The following PDS5B variants were observed in gnomAD, a reference collection of about 807,000 sequenced individuals.
PDS5B encodes the protein PDS5 cohesin associated factor B, also known as sister chromatid cohesion protein PDS5 homolog B.
In PDS5B, 51 loss-of-function variants were observed where a neutral mutation model predicts 184.1. That is an observed-to-expected ratio of 0.28 (90% CI 0.22 to 0.35). The LOEUF (loss-of-function observed/expected upper bound fraction) is 0.35. Ranked by LOEUF, PDS5B falls within the 10% of genes least tolerant of loss-of-function variation. The pLI is 1.00. For missense variants in PDS5B, 1,180 were observed against 1,723.3 expected (o/e 0.68, Z 5.58); for synonymous variants, 566 against 569.2 (o/e 0.99, Z 0.08).
At chr13:32,667,125 A>T (rs1412285324) in intron 6 of PDS5B, among the ~76,000 whole-genome samples, 1 of 152,156 alleles carries the variant, frequency 6.6e-6, no homozygotes, top group Non-Finnish European at 1.5e-5. Flanking sequence ...GTTCTCTGGA[A>T]TATGTTTAAA....
At chr13:32,726,454 TTAGAAA>T (rs775062568) in intron 19 of PDS5B, among the ~76,000 whole-genome samples, 3 of 152,232 alleles carry the variant, frequency 2.0e-5, no homozygotes, top group Non-Finnish European at 4.4e-5. Context: ...GGAGCAGTTC[TTAGAAA>T]TAGAAGAGTA....
At chr13:32,673,737 G>T (rs1950995898) in intron 8 of PDS5B, among the ~76,000 whole-genome samples, 1 of 152,174 alleles carries the variant, frequency 6.6e-6, no homozygotes, top group South Asian at 2.1e-4. Context: ...CACATAGTGT[G>T]AAATGCTTTC....
At chr13:32,689,364 A>G (rs1299805961) in intron 13 of PDS5B, 1 of 152,120 alleles carries the variant, frequency 6.6e-6, no homozygotes, top group Non-Finnish European at 1.5e-5. Flanking sequence ...TATGTTTTAT[A>G]CAGAAATAGT....
chr13:32,711,565 C>T (rs971637873), intron 19 of PDS5B, among the ~76,000 whole-genome samples: 1 of 151,866 alleles, frequency 6.6e-6, no homozygotes, highest in Non-Finnish European at 1.5e-5. Context: ...ACCATGTTGA[C>T]CAGGCTGGGC....
intron 18 of PDS5B, among the ~76,000 whole-genome samples, chr13:32,707,458 C>T (rs1952063976): frequency 6.6e-6 from 1 of 151,762 alleles, no homozygotes; most frequent in African/African-American, 2.4e-5. Flanking sequence ...GTTGATCATA[C>T]ATAAACATTA....
intron 23 of PDS5B, among the ~76,000 whole-genome samples, chr13:32,743,166 T>C (rs1364875332): frequency 6.6e-6 from 1 of 152,076 alleles, no homozygotes; most frequent in Non-Finnish European, 1.5e-5. Flanking sequence ...GTTTTTGTTA[T>C]TTTATTTTCT....
chr13:32,759,968 C>CA (rs1954316813), intron 29 of PDS5B, among the ~76,000 whole-genome samples: 1 of 147,844 alleles, frequency 6.8e-6, no homozygotes. Flanking sequence ...TCTTAAAAGG[C>CA]TTTTTTTTTT....
chr13:32,645,167 G>A (rs1446804656), intron 1 of PDS5B, among the ~76,000 whole-genome samples: 1 of 151,988 alleles, frequency 6.6e-6, no homozygotes, highest in Non-Finnish European at 1.5e-5. Context: ...TTTTTTTGTA[G>A]GGGCAAGATC....
chr13:32,603,059 A>G (rs2058003437), intron 1 of PDS5B, among the ~76,000 whole-genome samples: 1 of 152,140 alleles, frequency 6.6e-6, no homozygotes, highest in African/African-American at 2.4e-5. Context: ...GTTCACTCTG[A>G]TGGTAGTTTC....
intron 31 of PDS5B, among the ~76,000 whole-genome samples, chr13:32,767,166 C>G (rs1392521809): frequency 6.6e-6 from 1 of 152,086 alleles, no homozygotes; most frequent in Non-Finnish European, 1.5e-5. Context: ...AAAATAATTT[C>G]AGATCATGCC....
At chr13:32,751,466 A>G (rs1202376245) in intron 24 of PDS5B, among the ~76,000 whole-genome samples, 2 of 152,230 alleles carry the variant, frequency 1.3e-5, no homozygotes, top group Non-Finnish European at 2.9e-5. Context: ...ACTAATTTAC[A>G]TTCTCACCAG....
At chr13:32,697,723 G>A (rs1951746723) in intron 15 of PDS5B, among the ~76,000 whole-genome samples, 1 of 152,086 alleles carries the variant, frequency 6.6e-6, no homozygotes, top group Non-Finnish European at 1.5e-5. Flanking sequence ...TTAATTTGAT[G>A]TTTAGAGGTG....
chr13:32,744,943 A>G (rs911308348), intron 23 of PDS5B, among the ~76,000 whole-genome samples: 1 of 152,160 alleles, frequency 6.6e-6, no homozygotes, highest in East Asian at 1.9e-4. Context: ...ATCTTTTACT[A>G]TAGAGCTACA....
In PDS5B at chr13:32,770,673, A is replaced by C. The variant is rs1271950551; in HGVS notation, c.4084A>C (p.Ser1362Arg). Reference sequence around the variant, plus strand: ...AAGCAGAGCAGAATCTCCTGAATCTAGTGCAATTGAATCCACACAGTCCAC... The same window carrying C: ...AAGCAGAGCAGAATCTCCTGAATCTCGTGCAATTGAATCCACACAGTCCAC... ...AQQRAESPES[S>R]AIESTQSTPQ... is the part of the protein sequence containing the mutation. Residue 1362 changes from serine (S) to arginine (R), a missense_variant, in exon 33 of 35, where the codon AGT (serine) becomes CGT (arginine). Ser to Arg is a moderately radical substitution (Grantham distance 110, BLOSUM62 -1). Around this residue, in one of 11 missense-constraint regions of PDS5B, gnomAD observed 465 missense variants for 497.8 expected, o/e 0.93. Transcript: ENST00000315596. 7.4e-6 allele frequency: 12 copies of C among 1,611,448 alleles called. No homozygotes were observed. In the Admixed American group the frequency reaches 1.7e-4, roughly 22 times the overall value.
At chr13:32,742,878 C>A in intron 23 of PDS5B, 151 bp downstream of exon 23, 1 of 708,304 alleles carries the variant, frequency 1.4e-6, no homozygotes, top group Non-Finnish European at 2.3e-6. Flanking sequence ...TGCTTTTGTA[C>A]AGTGGTTATT....
At chr13:32,720,598 CTTTATTT>C (rs1361412440) in intron 19 of PDS5B, among the ~76,000 whole-genome samples, 1 of 150,466 alleles carries the variant, frequency 6.6e-6, no homozygotes, top group Non-Finnish European at 1.5e-5. Context: ...CAACTTTTAT[CTTTATTT>C]TTTATTTTTA....
chr13:32,718,251 C>T (rs1460513786), intron 19 of PDS5B, among the ~76,000 whole-genome samples: 3 of 151,714 alleles, frequency 2.0e-5, no homozygotes, highest in Admixed American at 6.6e-5. Flanking sequence ...CCCGGGTTCA[C>T]ACCATTCTCC....
chr13:32,671,164 A>G (rs560666828), intron 7 of PDS5B, among the ~76,000 whole-genome samples: 12 of 152,300 alleles, frequency 7.9e-5, no homozygotes, highest in African/African-American at 1.9e-4. Context: ...CATATATTCT[A>G]TGCCTCCTCT....
At chr13:32,769,719 G>A (rs962171200) in intron 31 of PDS5B, among the ~76,000 whole-genome samples, 1 of 152,044 alleles carries the variant, frequency 6.6e-6, no homozygotes, top group East Asian at 1.9e-4. Context: ...TATGTCTTAC[G>A]CACTATGTGG....
Sources: allele counts gnomAD v4.1 joint callset (sites outside exome capture counted in the v4.1 genomes callset), GRCh38; gene constraint gnomAD v4.1.1; regional missense constraint gnomAD v4.1.1; transcripts MANE v1.5; gene names NCBI Gene and HGNC (gene_info 2026-07-23, HGNC 2026-07-21).